The following DPP10 variants were observed in gnomAD, a reference collection of about 807,000 sequenced individuals.
DPP10 encodes the protein inactive dipeptidyl peptidase 10.
Under a neutral mutation model 120.9 loss-of-function variants are expected in DPP10, and 33 were observed. The observed-to-expected ratio is 0.27, with a 90% confidence interval of 0.21 to 0.37. The LOEUF is 0.37. Ranked by LOEUF, DPP10 falls within the 10% of genes least tolerant of loss-of-function variation. DPP10 has a pLI of 1.00. For synonymous variants in DPP10, 337 were observed against 326.1 expected (o/e 1.03, Z -0.36); for missense variants, 816 against 942.8 (o/e 0.87, Z 1.76).
intron 4 of DPP10, among the ~76,000 whole-genome samples, chr2:115,517,830 T>C (rs982559190): frequency 6.6e-6 from 1 of 152,206 alleles, no homozygotes; most frequent in Non-Finnish European, 1.5e-5. Context: ...ATCTGTCTTA[T>C]CTACTAGTTC....
chr2:115,412,015 C>T (rs1400279282), intron 3 of DPP10, among the ~76,000 whole-genome samples: 2 of 152,168 alleles, frequency 1.3e-5, no homozygotes, highest in Non-Finnish European at 2.9e-5. Flanking sequence ...TTTATTAATG[C>T]TTACCACACA....
chr2:115,092,547 G>A (rs577729648), intron 1 of DPP10, among the ~76,000 whole-genome samples: 22 of 152,104 alleles, frequency 1.4e-4, no homozygotes, highest in African/African-American at 5.3e-4. Flanking sequence ...TCTGGTAAAG[G>A]ACAGCTTTTT....
chr2:114,746,875 A>G (rs1470654190), intron 1 of DPP10, among the ~76,000 whole-genome samples: 1 of 152,236 alleles, frequency 6.6e-6, no homozygotes, highest in Non-Finnish European at 1.5e-5. Flanking sequence ...TCACTTAAGC[A>G]TAAAATGGAT....
intron 2 of DPP10, among the ~76,000 whole-genome samples, chr2:115,328,729 T>A (rs1329857286): frequency 6.6e-6 from 1 of 152,098 alleles, no homozygotes; most frequent in Non-Finnish European, 1.5e-5. Context: ...TCACATAACC[T>A]CTGTCCTTCC....
intron 1 of DPP10, among the ~76,000 whole-genome samples, chr2:115,067,337 C>T (rs1287097011): frequency 2.0e-5 from 3 of 151,464 alleles, no homozygotes; most frequent in African/African-American, 4.8e-5. Context: ...CTGCAAGCTC[C>T]GCCTCCCGGG....
At chr2:114,870,643 A>G (rs1690619930) in intron 1 of DPP10, among the ~76,000 whole-genome samples, 1 of 116,370 alleles carries the variant, frequency 8.6e-6, no homozygotes, top group South Asian at 2.7e-4. Context: ...GAATCTCAAA[A>G]AAAATATTTT....
At chr2:114,806,546 G>T (rs1216583423) in intron 1 of DPP10, among the ~76,000 whole-genome samples, 1 of 152,060 alleles carries the variant, frequency 6.6e-6, no homozygotes, top group Non-Finnish European at 1.5e-5. Flanking sequence ...GTAATACCTG[G>T]GAATGATATG....
At chr2:115,196,371 A>G (rs928190272) in intron 1 of DPP10, among the ~76,000 whole-genome samples, 4 of 152,182 alleles carry the variant, frequency 2.6e-5, no homozygotes, top group African/African-American at 4.8e-5. Context: ...AATGCTGACA[A>G]TGACCTACTG....
At position 115,681,733 on chromosome 2, in the gene DPP10, T is replaced by C. The variant is rs574067680; in HGVS notation, c.442-7954T>C. ...CCTTCCTTCCTTTCCTTCCTTCCTT[T>C]CTTCCTTTCTCTCTCTCTCTCTTTC... On this transcript the variant is annotated intron_variant, in intron 5 of 25. Coordinates refer to ENST00000410059, the MANE Select transcript of DPP10 (RefSeq NM_020868.6). Among the ~76,000 whole-genome samples the C allele has an allele frequency of 6.2e-4, 92 of 148,262 alleles. 1 individual carries two copies. The highest frequency in any genetic ancestry group is 2.1e-3 in the African/African-American group (84 of 40,398).
chr2:114,705,205 G>C (rs926262523), intron 1 of DPP10, among the ~76,000 whole-genome samples: 8 of 152,174 alleles, frequency 5.3e-5, no homozygotes, highest in African/African-American at 1.9e-4. Flanking sequence ...CCCAACTGGA[G>C]AGCCATGACT....
intron 1 of DPP10, among the ~76,000 whole-genome samples, chr2:114,669,944 G>T (rs1267828071): frequency 6.6e-6 from 1 of 152,198 alleles, no homozygotes; most frequent in East Asian, 1.9e-4. Context: ...GGCCATCAGA[G>T]AAATGCAAAT....
chr2:115,733,729 C>A (rs1012966056), intron 8 of DPP10, among the ~76,000 whole-genome samples: 1 of 152,062 alleles, frequency 6.6e-6, no homozygotes, highest in Non-Finnish European at 1.5e-5. Flanking sequence ...TAAACACAAT[C>A]GTTGTATCTC....
chr2:115,196,808 A>T (rs2055311685), intron 1 of DPP10, among the ~76,000 whole-genome samples: 1 of 152,220 alleles, frequency 6.6e-6, no homozygotes. Context: ...TGGGTGTGGT[A>T]TGCAAGCTAA....
At chr2:114,741,508 G>A (rs1309464511) in intron 1 of DPP10, among the ~76,000 whole-genome samples, 2 of 152,156 alleles carry the variant, frequency 1.3e-5, no homozygotes, top group Non-Finnish European at 2.9e-5. Context: ...TATAGGAACA[G>A]GAAGAGAAAG....
intron 1 of DPP10, among the ~76,000 whole-genome samples, chr2:114,646,400 C>T (rs866297704): frequency 2.6e-5 from 4 of 152,132 alleles, no homozygotes; most frequent in African/African-American, 4.8e-5. Context: ...AATATATAAA[C>T]GACAAGGGCA....
At chr2:114,955,783 G>T (rs1021471690) in intron 1 of DPP10, among the ~76,000 whole-genome samples, 1 of 152,130 alleles carries the variant, frequency 6.6e-6, no homozygotes, top group Non-Finnish European at 1.5e-5. Context: ...CGGAAAGATG[G>T]TTCAACACAC....
At chr2:115,235,199 G>C (rs1383310340) in intron 1 of DPP10, among the ~76,000 whole-genome samples, 1 of 152,138 alleles carries the variant, frequency 6.6e-6, no homozygotes, top group Non-Finnish European at 1.5e-5. Flanking sequence ...ACTTACCTTT[G>C]TAAGAATAAT....
chr2:115,531,266 C>CT (rs1015452877), intron 5 of DPP10, among the ~76,000 whole-genome samples: 3 of 151,462 alleles, frequency 2.0e-5, no homozygotes, highest in Non-Finnish European at 2.9e-5. Flanking sequence ...GAGACAGAAA[C>CT]TCTAGGAGTG....
chr2:115,575,353 G>A (rs1205625388), intron 5 of DPP10, among the ~76,000 whole-genome samples: 1 of 152,134 alleles, frequency 6.6e-6, no homozygotes, highest in Non-Finnish European at 1.5e-5. Flanking sequence ...TTTAGAGTTT[G>A]AATTTGAAAA....
Sources: gnomAD v4.1 joint callset for allele counts (sites outside exome capture counted in the v4.1 genomes callset) on GRCh38, gnomAD v4.1.1 for gene constraint, MANE v1.5 for transcripts, NCBI Gene and HGNC (gene_info 2026-07-23, HGNC 2026-07-21) for gene names.